NLGN4X: variants seen among roughly 807,000 people sequenced by gnomAD.
The protein encoded by NLGN4X is neuroligin 4 X-linked.
In NLGN4X, 3 loss-of-function variants were observed where a neutral mutation model predicts 40.3. The ratio of observed to expected loss-of-function variants is 0.07; its 90% confidence interval spans 0.03 to 0.19. The LOEUF (loss-of-function observed/expected upper bound fraction) is 0.19. Among genes scored for constraint, NLGN4X ranks in the 10% least tolerant of loss-of-function variants. NLGN4X has a pLI of 1.00. For synonymous variants in NLGN4X, 270 were observed against 306.8 expected (o/e 0.88, Z 1.25); for missense variants, 382 against 708.3 (o/e 0.54, Z 5.23).
At chrX:6,046,161 C>T (rs188495410) in intron 2 of NLGN4X, among the ~76,000 whole-genome samples, 20 of 111,533 alleles carry the variant, frequency 1.8e-4, no homozygotes, top group South Asian at 3.7e-4. Context: ...CATAAAAGAA[C>T]GCTTACATAT....
rs754756304 is a variant in NLGN4X at position 6,080,817 on chromosome X, G to A, written c.473-51385C>T. 1.1e-4 allele frequency among the ~76,000 whole-genome samples: 12 copies of A among 111,294 alleles called. No individual in the cohort carries two copies. The South Asian group carries it at 3.4e-3, about 32-fold the overall frequency. ...AGTATCCACATCTTCAGAGGTTTAC[G>A]ACTATGTGAAAATTTATAATTTGTT... On this transcript the variant is annotated intron_variant, in intron 2 of 5. Transcript: ENST00000381095.
Position 6,097,297 on chromosome X carries a change from A to G in NLGN4X, c.472+53698T>C, listed in dbSNP as rs570061958. The stretch of plus-strand genomic sequence containing the variant: ...ATACTTTGAAATATTCACACAGTGT[A>G]CATATTTTAAAGATATGAATCTGAC... On this transcript the variant is annotated intron_variant, in intron 2 of 5. Coordinates refer to ENST00000381095, the MANE Select transcript of NLGN4X (RefSeq NM_181332.3). Among the ~76,000 whole-genome samples, 509 of 108,317 alleles carry G rather than the reference A, an allele frequency of 4.7e-3. 6 individuals are homozygous for G. Among genetic ancestry groups the G allele is most frequent in the African/African-American group, 0.016 (460 of 29,541 alleles). The allele number at this position is 108,317 out of a possible 115,157, so 94.1% of individuals were successfully genotyped here.
At chrX:6,114,552 ACACACACAAACATG>A (rs2039230110) in intron 2 of NLGN4X, among the ~76,000 whole-genome samples, 1 of 110,040 alleles carries the variant, frequency 9.1e-6, no homozygotes, top group Non-Finnish European at 1.9e-5. Context: ...ACACACACAC[ACACACACAAACATG>A]CACACATACA....
At chrX:6,148,827 C>A (rs897004925) in intron 2 of NLGN4X, among the ~76,000 whole-genome samples, 43 of 111,662 alleles carry the variant, frequency 3.9e-4, no homozygotes, top group Non-Finnish European at 5.8e-4. Context: ...ACTGGTTCTT[C>A]GTTGATAGAG....
rs761077083 is a variant in NLGN4X, at chrX:6,098,967, C to T, written c.472+52028G>A. 4.5e-5 allele frequency among the ~76,000 whole-genome samples: 5 copies of T among 111,940 alleles called. No homozygotes were observed. In the South Asian group the frequency reaches 1.5e-3, roughly 34 times the overall value. ...GAAGAGTTTCTCAACCTTGGCACTGCTGACCTTTTTTGGTCAGATAATTCT... is the reference window on the plus strand; with the variant it reads ...GAAGAGTTTCTCAACCTTGGCACTGTTGACCTTTTTTGGTCAGATAATTCT... On this transcript the variant is annotated intron_variant, in intron 2 of 5. Coordinates refer to ENST00000381095, the MANE Select transcript of NLGN4X (RefSeq NM_181332.3).
chrX:6,134,585 T>C (rs776163702), intron 2 of NLGN4X, among the ~76,000 whole-genome samples: 1 of 112,452 alleles, frequency 8.9e-6, no homozygotes, highest in Admixed American at 9.4e-5. Flanking sequence ...GCCTGACAAT[T>C]AGAATAAGTT....
At chrX:5,951,020 C>T (rs1347522609) in intron 3 of NLGN4X, among the ~76,000 whole-genome samples, 3 of 112,177 alleles carry the variant, frequency 2.7e-5, no homozygotes, top group Non-Finnish European at 5.6e-5. Flanking sequence ...GAACAATAAT[C>T]ATCTTCAATA....
At chrX:6,041,575 A>T (rs966460701) in intron 2 of NLGN4X, among the ~76,000 whole-genome samples, 2 of 112,061 alleles carry the variant, frequency 1.8e-5, no homozygotes, top group East Asian at 5.6e-4. Flanking sequence ...TTCGTAAATG[A>T]ACTTGGGTTC....
intron 2 of NLGN4X, among the ~76,000 whole-genome samples, chrX:6,106,681 T>G (rs917745409): frequency 3.6e-5 from 4 of 112,294 alleles, no homozygotes; most frequent in Non-Finnish European, 7.5e-5. Context: ...ATGCATTTAA[T>G]TTTCCTCCAT....
intron 1 of NLGN4X, among the ~76,000 whole-genome samples, chrX:6,197,779 T>C (rs1338586063): frequency 9.2e-6 from 1 of 108,662 alleles, no homozygotes; most frequent in Admixed American, 9.9e-5. Flanking sequence ...CTAACAGTTA[T>C]GGGGCCGGGC....
chrX:5,964,456 A>G (rs950641729), intron 3 of NLGN4X, among the ~76,000 whole-genome samples: 8 of 112,242 alleles, frequency 7.1e-5, no homozygotes, highest in African/African-American at 2.3e-4. Context: ...TAAATTTGAA[A>G]ATTAATGCCC....
intron 2 of NLGN4X, among the ~76,000 whole-genome samples, chrX:6,103,549 C>G (rs1457964696): frequency 8.9e-6 from 1 of 111,987 alleles, no homozygotes; most frequent in East Asian, 2.8e-4. Context: ...TACTACATAA[C>G]AACATCTGCG....
chrX:5,929,521 T>TATATAC (rs1251973672), intron 3 of NLGN4X, among the ~76,000 whole-genome samples: 1 of 111,470 alleles, frequency 9.0e-6, no homozygotes, highest in Non-Finnish European at 1.9e-5. Context: ...TGTGTATATG[T>TATATAC]ATATACATAT....
chrX:6,196,514 T>G (rs775926266), intron 1 of NLGN4X, among the ~76,000 whole-genome samples: 2 of 84,516 alleles, frequency 2.4e-5, no homozygotes, highest in African/African-American at 9.2e-5. Flanking sequence ...ATGGCGCCAC[T>G]GCACTCCAGC....
At chrX:5,941,797 A>C (rs2033954227) in intron 3 of NLGN4X, among the ~76,000 whole-genome samples, 1 of 112,557 alleles carries the variant, frequency 8.9e-6, no homozygotes, top group South Asian at 3.6e-4. Flanking sequence ...CTGTCTCTGT[A>C]AGGTAAAATG....
chrX:5,969,816 C>T (rs181554057), intron 3 of NLGN4X, among the ~76,000 whole-genome samples: 33 of 110,516 alleles, frequency 3.0e-4, no homozygotes, highest in Non-Finnish European at 5.3e-4. Context: ...AAATGTGGCA[C>T]ATATACACCA....
chrX:5,933,945 C>T (rs1223604876), intron 3 of NLGN4X, among the ~76,000 whole-genome samples: 2 of 111,050 alleles, frequency 1.8e-5, no homozygotes, highest in Non-Finnish European at 1.9e-5. Flanking sequence ...TAAATAAGAC[C>T]TAAAATGCTG....
At chrX:5,989,103 A>AC (rs1208792514) in intron 3 of NLGN4X, among the ~76,000 whole-genome samples, 5 of 109,987 alleles carry the variant, frequency 4.5e-5, no homozygotes, top group Admixed American at 9.6e-5. Flanking sequence ...TAAAAAAAAA[A>AC]ATAAAAAAGA....
intron 1 of NLGN4X, among the ~76,000 whole-genome samples, chrX:6,219,552 CT>C (rs1925455901): frequency 1.5e-4 from 3 of 19,913 alleles, no homozygotes; most frequent in African/African-American, 5.6e-4. Flanking sequence ...TCTTTTCTTT[CT>C]TTCTTTCTTT....
Sources: gnomAD v4.1 joint callset for allele counts (sites outside exome capture counted in the v4.1 genomes callset) on GRCh38, gnomAD v4.1.1 for gene constraint, MANE v1.5 for transcripts, NCBI Gene and HGNC (gene_info 2026-07-23, HGNC 2026-07-21) for gene names.